ABLIM3: variants seen among roughly 807,000 people sequenced by gnomAD.
The protein encoded by ABLIM3 is actin-binding LIM protein 3.
ABLIM3 carries 61 observed loss-of-function variants against 109.5 expected under a neutral mutation model. The observed-to-expected ratio is 0.56, with a 90% confidence interval of 0.45 to 0.69. ABLIM3 has a LOEUF of 0.69. ABLIM3 is among the 30% of genes least tolerant of loss of function. The probability of loss-of-function intolerance (pLI) is 0.00; values close to 1 mark genes in which losing one functional copy is unlikely to be tolerated. For missense variants in ABLIM3, 796 were observed against 889.5 expected, an observed-to-expected ratio of 0.89 and a Z score of 1.34; for synonymous variants, 300 against 324.8, an observed-to-expected ratio of 0.92 and a Z score of 0.82.
chr5:149,182,211 A>G (rs990545807), intron 2 of ABLIM3, among the ~76,000 whole-genome samples: 5 of 152,230 alleles, frequency 3.3e-5, no homozygotes, highest in African/African-American at 9.6e-5. Flanking sequence ...AATTTATGAT[A>G]TACTTATTCA....
intron 2 of ABLIM3, among the ~76,000 whole-genome samples, chr5:149,168,934 G>A (rs1003630127): frequency 1.3e-5 from 2 of 152,078 alleles, no homozygotes; most frequent in African/African-American, 2.4e-5. Context: ...AGTAAGTCTG[G>A]GGTGGGGCCC....
chr5:149,152,802 G>T (rs1753555277), intron 2 of ABLIM3, among the ~76,000 whole-genome samples: 1 of 152,096 alleles, frequency 6.6e-6, no homozygotes. Context: ...ACCCAGCTAA[G>T]GGATGACTGC....
intron 4 of ABLIM3, chr5:149,199,189 C>T: frequency 2.2e-6 from 1 of 452,782 alleles, no homozygotes; most frequent in Admixed American, 2.4e-5. Flanking sequence ...GAAAGCTCAG[C>T]CCTACCCACA....
At chr5:149,246,137 T>G (rs1753334468) in intron 16 of ABLIM3, among the ~76,000 whole-genome samples, 1 of 152,166 alleles carries the variant, frequency 6.6e-6, no homozygotes, top group Non-Finnish European at 1.5e-5. Flanking sequence ...CACTCTAGCC[T>G]GGGTGAGAGT....
rs1245839155 is a variant in ABLIM3, at chr5:149,259,977, G to A, written c.*1573G>A. ...AGTCAACCTGGGACTCGGTCTCAGG[G>A]ATATGCCTACCAATAGCGGGTATCG... On this transcript the variant is annotated 3_prime_UTR_variant, in exon 24 of 24. Coordinates refer to ENST00000309868, the MANE Select transcript of ABLIM3 (RefSeq NM_014945.5). The A allele has an allele frequency of 9.0e-6, 2 of 221,354 alleles. No individual in the cohort carries two copies. The highest frequency in any genetic ancestry group is 1.8e-5 in the Non-Finnish European group (2 of 110,802). 13.7% of individuals were successfully genotyped at this position (221,354 alleles called of 1,614,324 possible).
Position 149,237,502 on chromosome 5 carries a change from G to T in ABLIM3, c.943G>T (p.Val315Phe). ...CAAAGACCTGGCGGCTCTCCCCAAGGTTAAGTCTATCTACGAGGTACAACG... is the reference window on the plus strand; with the variant it reads ...CAAAGACCTGGCGGCTCTCCCCAAGTTTAAGTCTATCTACGAGGTACAACG... ...NYKDLAALPK[V>F]KSIYEVQRPD... is the part of the protein sequence containing the mutation. The change falls in exon 11 of 24, where the codon GTT becomes TTT. Residue 315 changes from valine to phenylalanine, a missense_variant. Val to Phe is a conservative substitution (Grantham distance 50). Transcript: ENST00000309868. The T allele has an allele frequency of 6.2e-7, 1 of 1,614,140 alleles. No individual in the cohort carries two copies. The highest frequency in any genetic ancestry group is 1.1e-5 in the South Asian group (1 of 91,078).
rs201144474 is a variant in ABLIM3, at chr5:149,240,824, G to T, written c.1303+50G>T. 7 of 1,539,514 alleles carry T rather than the reference G, an allele frequency of 4.5e-6. No individual in the cohort carries two copies. In the East Asian group the frequency reaches 1.3e-4, roughly 30 times the overall value. ...CTGGGATGGATGCATGCTCCATGGG[G>T]TCACAGGTGCCTGAGTCACCCCCTC... is the stretch of plus-strand genomic sequence containing the variant. On this transcript the variant is annotated intron_variant, in intron 14 of 23. Coordinates refer to ENST00000309868, the MANE Select transcript of ABLIM3 (RefSeq NM_014945.5).
chr5:149,190,466 G>A (rs1415863894), intron 3 of ABLIM3, among the ~76,000 whole-genome samples: 4 of 152,152 alleles, frequency 2.6e-5, no homozygotes, highest in Admixed American at 6.5e-5. Context: ...GATCACCTGA[G>A]CCCAGGAGTT....
intron 23 of ABLIM3, among the ~76,000 whole-genome samples, chr5:149,256,438 A>G (rs760170450): frequency 9.2e-5 from 14 of 152,256 alleles, no homozygotes; most frequent in South Asian, 8.3e-4. Context: ...GGACAAGTCA[A>G]TAGTACAAAG....
intron 2 of ABLIM3, among the ~76,000 whole-genome samples, chr5:149,175,141 C>T (rs73798015): frequency 6.6e-6 from 1 of 152,286 alleles, no homozygotes; most frequent in East Asian, 1.9e-4. Flanking sequence ...GGATGTTTCC[C>T]CTTCTCTATC....
At position 149,233,489 on chromosome 5, in the gene ABLIM3, C is replaced by T. The variant is rs576665037; in HGVS notation, c.888+189C>T. ...ACAGGGAGGACATAGATCCCGCCCT[C>T]ATGAAGCAAACAGTCTAGTAAACCC... On this transcript the variant is annotated intron_variant, in intron 10 of 23. Transcript: ENST00000309868. 5.3e-4 allele frequency among the ~76,000 whole-genome samples: 80 copies of T among 152,276 alleles called. 3 individuals are homozygous for T. In the Middle Eastern group the frequency reaches 0.01, roughly 19 times the overall value.
At chr5:149,203,030 C>T (rs1758628665) in intron 5 of ABLIM3, among the ~76,000 whole-genome samples, 1 of 151,962 alleles carries the variant, frequency 6.6e-6, no homozygotes, top group Non-Finnish European at 1.5e-5. Context: ...CCAGCATTGC[C>T]ATCACACCAC....
intron 5 of ABLIM3, among the ~76,000 whole-genome samples, chr5:149,203,473 A>G (rs1468356639): frequency 6.6e-6 from 1 of 152,048 alleles, no homozygotes; most frequent in Non-Finnish European, 1.5e-5. Context: ...CACCATCATC[A>G]TGACCAACAC....
intron 8 of ABLIM3, among the ~76,000 whole-genome samples, chr5:149,222,370 C>T (rs1036107931): frequency 7.9e-5 from 12 of 152,092 alleles, no homozygotes; most frequent in African/African-American, 2.9e-4. Context: ...TTCTTGGAGG[C>T]AATTTTCTTA....
intron 16 of ABLIM3, 44 bp from the exon 17 acceptor site, chr5:149,246,438 G>T (rs755996154): frequency 5.0e-6 from 8 of 1,592,320 alleles, no homozygotes; most frequent in Non-Finnish European, 6.8e-6. Context: ...GCCAGGCTGA[G>T]TGGGGTGCAC....
At chr5:149,152,272 C>T (rs527996833) in intron 2 of ABLIM3, among the ~76,000 whole-genome samples, 33 of 152,308 alleles carry the variant, frequency 2.2e-4, no homozygotes, top group African/African-American at 7.7e-4. Flanking sequence ...CACCTTGCCA[C>T]TGCAGTCCAG....
intron 9 of ABLIM3, among the ~76,000 whole-genome samples, chr5:149,231,246 G>A (rs776256871): frequency 3.9e-5 from 6 of 152,180 alleles, no homozygotes; most frequent in African/African-American, 1.2e-4. Context: ...CCAGGTACGC[G>A]CTGGGCCAGC....
Position 149,259,433 on chromosome 5 carries a change from T to C in ABLIM3, c.*1029T>C. On this transcript the variant is annotated 3_prime_UTR_variant, in exon 24 of 24. Coordinates refer to ENST00000309868, the MANE Select transcript of ABLIM3 (RefSeq NM_014945.5). ...CATCCTCCAGAGAGAAAATAGGCCGTGTCTCAAAGAAAGGTTCTTGGTCTA... is the reference window on the plus strand; with the variant it reads ...CATCCTCCAGAGAGAAAATAGGCCGCGTCTCAAAGAAAGGTTCTTGGTCTA... 6.6e-7 allele frequency: 1 copy of C among 1,520,046 alleles called. No homozygotes were observed. The highest frequency in any genetic ancestry group is 8.8e-7 in the Non-Finnish European group (1 of 1,137,238). 94.2% of individuals were successfully genotyped at this position (1,520,046 alleles called of 1,614,324 possible).
chr5:149,243,689 G>A (rs189347634), intron 15 of ABLIM3: 3 of 152,324 alleles, frequency 2.0e-5, no homozygotes, highest in African/African-American at 7.2e-5. Flanking sequence ...TGTCCCCTGA[G>A]TACTCATAGA....
Sources: allele counts gnomAD v4.1 joint callset (sites outside exome capture counted in the v4.1 genomes callset), GRCh38; gene constraint gnomAD v4.1.1; transcripts MANE v1.5; gene names NCBI Gene and HGNC (gene_info 2026-07-23, HGNC 2026-07-21).